The following NOL9 variants were observed in gnomAD, a reference collection of about 807,000 sequenced individuals.
NOL9 encodes nucleolar protein 9.
NOL9 carries 28 observed loss-of-function variants against 67.9 expected under a neutral mutation model. The ratio of observed to expected loss-of-function variants is 0.41; its 90% CI spans 0.31 to 0.57. The LOEUF (loss-of-function observed/expected upper bound fraction) is 0.57, where lower values mean the gene tolerates loss of function less well. NOL9 is among the 20% of genes least tolerant of loss of function. The pLI is 0.25. For missense variants in NOL9, 777 were observed against 897.0 expected (o/e 0.87, Z 1.71); for synonymous variants, 356 against 352.2 (o/e 1.01, Z -0.12).
At chr1:6,554,075 C>T in intron 1 of NOL9, 32 bp downstream of exon 1, 1 of 1,502,468 alleles carries the variant, frequency 6.7e-7, no homozygotes, top group Non-Finnish European at 8.9e-7. Context: ...CCTCCCTGCC[C>T]TCGGGGACTA....
At chr1:6,533,156 C>A in intron 7 of NOL9, 124 bp downstream of exon 7, 3 of 991,598 alleles carry the variant, frequency 3.0e-6, no homozygotes, top group East Asian at 2.5e-5. Context: ...GCCTGGGCGA[C>A]AGAGTGAGAC....
rs1639046091 is a variant in NOL9 at position 6,532,242 on chromosome 1, C to CT, written c.1536-164dup. The CT allele has an allele frequency of 5.5e-6, 4 of 725,334 alleles. No individual in the cohort carries two copies. The East Asian group carries it at 1.1e-4, about 20-fold the overall frequency. The allele number at this position is 725,334 out of a possible 1,614,324, so 44.9% of individuals were successfully genotyped here. On this transcript the variant is annotated intron_variant, in intron 8 of 11. Transcript: ENST00000377705. ...AAAAACAGGAAGTGTAAAGACTCTCCTTTAAGTCAAAGTTGCTGGCAGCCA... is the reference window on the plus strand; with the variant it reads ...AAAAACAGGAAGTGTAAAGACTCTCCTTTTAAGTCAAAGTTGCTGGCAGCCA...
chr1:6,527,721 C>A (rs2148648941), intron 10 of NOL9, among the ~76,000 whole-genome samples: 1 of 151,754 alleles, frequency 6.6e-6, no homozygotes, highest in South Asian at 2.1e-4. Flanking sequence ...ATCACGAGGT[C>A]AGGAGTTCAA....
chr1:6,526,556 G>A (rs1016888612), intron 11 of NOL9, 140 bp downstream of exon 11: 26 of 831,700 alleles, frequency 3.1e-5, no homozygotes, highest in Admixed American at 5.5e-5. Flanking sequence ...CCCTGACACC[G>A]TCTCGGCTCA....
At chr1:6,542,543 C>T (rs991061690) in intron 5 of NOL9, among the ~76,000 whole-genome samples, 3 of 151,782 alleles carry the variant, frequency 2.0e-5, no homozygotes, top group South Asian at 2.1e-4. Flanking sequence ...CTATAACCTC[C>T]GTCTCCCGGG....
chr1:6,531,898 G>T, intron 9 of NOL9, 70 bp downstream of exon 9: 2 of 1,163,912 alleles, frequency 1.7e-6, no homozygotes, highest in African/African-American at 1.5e-5. Context: ...TTAGGAGAGC[G>T]CCCAGCACAC....
At chr1:6,540,597 G>C (rs984320409) in intron 6 of NOL9, among the ~76,000 whole-genome samples, 1 of 152,136 alleles carries the variant, frequency 6.6e-6, no homozygotes, top group Non-Finnish European at 1.5e-5. Context: ...AGTCAGAGGT[G>C]AGTAGATGAC....
chr1:6,552,418 T>C (rs1639562573), intron 1 of NOL9, among the ~76,000 whole-genome samples: 1 of 152,192 alleles, frequency 6.6e-6, no homozygotes, highest in Admixed American at 6.5e-5. Context: ...CTCATCCCTT[T>C]TTATGGCTGC....
chr1:6,529,157 T>C lies in NOL9; in HGVS notation c.1662A>G (p.Ala554=), dbSNP rs769858722. 5.6e-6 allele frequency: 9 copies of C among 1,613,338 alleles called. No individual in the cohort carries two copies. Among genetic ancestry groups the C allele is most frequent in the Non-Finnish European group, 7.6e-6 (9 of 1,179,462 alleles). The part of the protein sequence containing the change: ...SLTPYQVPFN[A]VALRITHSDV... The stretch of plus-strand genomic sequence containing the variant: ...CAGAGTGGGTAATCCGGAGTGCGAC[T>C]GCATTGAAAGGGACCTGGAAAATGA... Residue 554 remains alanine, a synonymous_variant, in exon 10 of 12, where the codon GCA becomes GCG. Coordinates refer to ENST00000377705, the MANE Select transcript of NOL9 (RefSeq NM_024654.5).
chr1:6,545,144 A>G lies in NOL9; in HGVS notation c.781T>C (p.Leu261=). 6.2e-7 allele frequency: 1 copy of G among 1,614,114 alleles called. No individual in the cohort carries two copies. Among genetic ancestry groups the G allele is most frequent in the South Asian group, 1.1e-5 (1 of 91,088 alleles). Residue 261 remains leucine (L), a synonymous_variant, in exon 4 of 12, where the codon TTG becomes CTG. Coordinates refer to ENST00000377705, the MANE Select transcript of NOL9 (RefSeq NM_024654.5). ...TCTCTTCTGATGCCAACAGACCTCAAGGCTAAATATTCAGGTTTAATCTGG... is the reference window on the plus strand; with the variant it reads ...TCTCTTCTGATGCCAACAGACCTCAGGGCTAAATATTCAGGTTTAATCTGG... ...TPQIKPEYLA[L]RSVGIRREKK...
intron 5 of NOL9, among the ~76,000 whole-genome samples, chr1:6,543,800 A>C (rs1639354837): frequency 6.6e-6 from 1 of 152,020 alleles, no homozygotes; most frequent in Non-Finnish European, 1.5e-5. Flanking sequence ...ACATGGCAAG[A>C]TCCTCTGTCT....
chr1:6,535,160 TAC>T (rs1408454941), intron 6 of NOL9, among the ~76,000 whole-genome samples: 3 of 152,184 alleles, frequency 2.0e-5, no homozygotes, highest in Non-Finnish European at 4.4e-5. Flanking sequence ...TCTATATGCA[TAC>T]ATACACATAT....
chr1:6,549,403 C>G, intron 3 of NOL9, 168 bp downstream of exon 3: 2 of 668,536 alleles, frequency 3.0e-6, no homozygotes, highest in South Asian at 6.1e-5. Flanking sequence ...GAACATTTTT[C>G]ACGATACACC....
At chr1:6,551,021 G>A (rs1639533901) in intron 1 of NOL9, among the ~76,000 whole-genome samples, 1 of 152,294 alleles carries the variant, frequency 6.6e-6, no homozygotes, top group East Asian at 1.9e-4. Flanking sequence ...CACATCAAAA[G>A]GCAGGTAAGG....
chr1:6,527,831 T>C (rs1009750974), intron 10 of NOL9, among the ~76,000 whole-genome samples: 2 of 152,052 alleles, frequency 1.3e-5, no homozygotes, highest in Non-Finnish European at 2.9e-5. Context: ...CTCAGGAGGC[T>C]GAGACAGAAG....
intron 5 of NOL9, among the ~76,000 whole-genome samples, chr1:6,543,199 T>G (rs544187952): frequency 3.9e-5 from 2 of 51,660 alleles, no homozygotes; most frequent in Admixed American, 5.3e-4. Context: ...CAGCCTTTTT[T>G]TCTTTTTTTT....
rs1161163487 is a variant in NOL9, at chr1:6,533,342, T to A, written c.1175A>T (p.Tyr392Phe). Residue 392 changes from tyrosine to phenylalanine, a missense_variant, in exon 7 of 12, where the codon TAT becomes TTT. Physicochemically the swap from Tyr to Phe is conservative, Grantham distance 22. Around this residue, in one of 2 missense-constraint regions of NOL9, gnomAD observed 413 missense variants for 552.6 expected, o/e 0.75. Coordinates refer to ENST00000377705, the MANE Select transcript of NOL9 (RefSeq NM_024654.5). ...CTCTCTCTTGTAAGCGCTGAACACA[T>A]ATTTCACTATGTCAATATAATTCTC... ...NYENYIDIVK[Y>F]VFSAYKRESP... The A allele has an allele frequency of 6.2e-7, 1 of 1,613,340 alleles. No homozygotes were observed. Among genetic ancestry groups the A allele is most frequent in the Non-Finnish European group, 8.5e-7 (1 of 1,179,634 alleles).
chr1:6,544,102 G>C (rs1422113588), intron 5 of NOL9, among the ~76,000 whole-genome samples: 1 of 151,936 alleles, frequency 6.6e-6, no homozygotes, highest in South Asian at 2.1e-4. Flanking sequence ...CTCCAGCCTG[G>C]GTGAGTGAAA....
intron 6 of NOL9, among the ~76,000 whole-genome samples, chr1:6,535,189 G>C (rs1639121501): frequency 6.6e-6 from 1 of 152,142 alleles, no homozygotes; most frequent in African/African-American, 2.4e-5. Context: ...GTATGTTTGG[G>C]TTTAAATATG....
Sources: gnomAD v4.1 joint callset for allele counts (sites outside exome capture counted in the v4.1 genomes callset) on GRCh38, gnomAD v4.1.1 for gene constraint, gnomAD v4.1.1 regional missense constraint, MANE v1.5 for transcripts, NCBI Gene and HGNC (gene_info 2026-07-23, HGNC 2026-07-21) for gene names.